Variants in SLC9A9 observed in about 807,000 individuals in gnomAD.
SLC9A9 encodes solute carrier family 9 member A9.
SLC9A9 carries 62 observed loss-of-function variants against 77.8 expected under a neutral mutation model. That is an observed-to-expected ratio of 0.80 (90% confidence interval 0.65 to 0.98). SLC9A9 has a LOEUF of 0.98. SLC9A9 is among the 50% of genes least tolerant of loss of function. The probability of loss-of-function intolerance (pLI) is 0.00; values close to 1 mark genes in which losing one functional copy is unlikely to be tolerated. For synonymous variants in SLC9A9, 320 were observed against 283.5 expected, an observed-to-expected ratio of 1.13 and a Z score of -1.29; for missense variants, 775 against 774.9, an observed-to-expected ratio of 1.00 and a Z score of 0.00.
intron 2 of SLC9A9, among the ~76,000 whole-genome samples, chr3:143,813,955 T>C (rs1234586250): frequency 6.6e-6 from 1 of 152,120 alleles, no homozygotes; most frequent in Non-Finnish European, 1.5e-5. Context: ...GAGCTCAAGG[T>C]AATGATAGTG....
chr3:143,573,891 GT>G (rs1260631281), intron 8 of SLC9A9, among the ~76,000 whole-genome samples, 196 bp downstream of exon 8: 1 of 152,158 alleles, frequency 6.6e-6, no homozygotes, highest in Admixed American at 6.5e-5. Flanking sequence ...CCATTAAGCT[GT>G]TTGGTACAAA....
At chr3:143,358,354 T>C (rs747540113) in intron 14 of SLC9A9, among the ~76,000 whole-genome samples, 7 of 152,246 alleles carry the variant, frequency 4.6e-5, no homozygotes, top group Non-Finnish European at 8.8e-5. Flanking sequence ...ATTCTGTTAC[T>C]GTGTCAACTT....
intron 12 of SLC9A9, among the ~76,000 whole-genome samples, chr3:143,384,240 A>C (rs548482989): frequency 7.2e-5 from 11 of 152,174 alleles, no homozygotes; most frequent in African/African-American, 2.6e-4. Flanking sequence ...CCTGCCTCCG[A>C]CAGTGGGACC....
intron 12 of SLC9A9, among the ~76,000 whole-genome samples, chr3:143,449,842 T>A (rs1486633954): frequency 2.9e-5 from 1 of 34,662 alleles, no homozygotes; most frequent in Non-Finnish European, 3.7e-5. Context: ...TTATATGTAT[T>A]ATATATATAT....
chr3:143,831,968 A>G, intron 2 of SLC9A9, 51 bp downstream of exon 2: 1 of 1,498,814 alleles, frequency 6.7e-7, no homozygotes, highest in Non-Finnish European at 9.2e-7. Context: ...CAAATATGAT[A>G]CAATTATTTA....
At chr3:143,708,976 C>T (rs1284331457) in intron 4 of SLC9A9, among the ~76,000 whole-genome samples, 1 of 152,112 alleles carries the variant, frequency 6.6e-6, no homozygotes, top group African/African-American at 2.4e-5. Context: ...GGAAGAAGAC[C>T]TTGAAGGTGA....
At chr3:143,548,278 C>T (rs2036821041) in intron 9 of SLC9A9, among the ~76,000 whole-genome samples, 1 of 152,018 alleles carries the variant, frequency 6.6e-6, no homozygotes. Context: ...AGATAGCAAG[C>T]TCCCAGGCCT....
rs374985771 is a variant in SLC9A9 at position 143,570,168 on chromosome 3, G to A, written c.1000+3920C>T. On this transcript the variant is annotated intron_variant, in intron 8 of 15. Coordinates refer to ENST00000316549, the MANE Select transcript of SLC9A9 (RefSeq NM_173653.4). ...GTGACAAAGATAAGCATCTCAACAC[G>A]AAAACAGTTAACAACAACAAAAAAG... 2.4e-4 allele frequency among the ~76,000 whole-genome samples: 36 copies of A among 152,008 alleles called. No homozygotes were observed. In the East Asian group the frequency reaches 5.0e-3, roughly 21 times the overall value.
At chr3:143,657,507 G>A (rs1310142305) in intron 5 of SLC9A9, among the ~76,000 whole-genome samples, 1 of 152,116 alleles carries the variant, frequency 6.6e-6, no homozygotes, top group African/African-American at 2.4e-5. Flanking sequence ...AACTATCCAG[G>A]AAGATCCTCA....
At chr3:143,611,583 C>T (rs2038022808) in intron 6 of SLC9A9, among the ~76,000 whole-genome samples, 1 of 152,088 alleles carries the variant, frequency 6.6e-6, no homozygotes, top group South Asian at 2.1e-4. Context: ...TTTCTGAAAA[C>T]AGCACTGAAA....
chr3:143,288,199 T>C (rs1938431607), intron 14 of SLC9A9, among the ~76,000 whole-genome samples: 1 of 152,118 alleles, frequency 6.6e-6, no homozygotes, highest in South Asian at 2.1e-4. Flanking sequence ...ATTATGATGA[T>C]TGTAATTTCA....
At chr3:143,353,160 C>T (rs1360378229) in intron 14 of SLC9A9, among the ~76,000 whole-genome samples, 1 of 152,200 alleles carries the variant, frequency 6.6e-6, no homozygotes, top group South Asian at 2.1e-4. Flanking sequence ...CAGATTCCTA[C>T]TCTTTTATCA....
chr3:143,470,764 A>C (rs796861485), intron 11 of SLC9A9, among the ~76,000 whole-genome samples: 1 of 152,208 alleles, frequency 6.6e-6, no homozygotes, highest in South Asian at 2.1e-4. Flanking sequence ...AAGGGCAAGG[A>C]GGTAAGCAAT....
intron 1 of SLC9A9, among the ~76,000 whole-genome samples, chr3:143,838,297 C>T (rs1260626606): frequency 6.6e-6 from 1 of 152,146 alleles, no homozygotes; most frequent in Non-Finnish European, 1.5e-5. Context: ...GAGAGGTATA[C>T]AGAAATCAAG....
At chr3:143,539,485 A>G (rs1375501697) in intron 9 of SLC9A9, among the ~76,000 whole-genome samples, 2 of 152,234 alleles carry the variant, frequency 1.3e-5, no homozygotes, top group African/African-American at 4.8e-5. Context: ...AGGCACACAT[A>G]TTCAGCCTTG....
At chr3:143,507,171 T>G (rs960361409) in intron 9 of SLC9A9, among the ~76,000 whole-genome samples, 1 of 151,818 alleles carries the variant, frequency 6.6e-6, no homozygotes, top group African/African-American at 2.4e-5. Context: ...TCCCGACACA[T>G]GTACAGCCTC....
At chr3:143,533,517 A>G (rs920848419) in intron 9 of SLC9A9, among the ~76,000 whole-genome samples, 1 of 152,240 alleles carries the variant, frequency 6.6e-6, no homozygotes, top group South Asian at 2.1e-4. Context: ...GAAAAATGCA[A>G]TAAGTGAGGC....
At chr3:143,477,959 T>C (rs1397450549) in intron 11 of SLC9A9, among the ~76,000 whole-genome samples, 1 of 152,216 alleles carries the variant, frequency 6.6e-6, no homozygotes, top group African/African-American at 2.4e-5. Flanking sequence ...TTCAGCCTCT[T>C]GCCCACTCCC....
chr3:143,592,315 C>T (rs2037661831), intron 6 of SLC9A9, among the ~76,000 whole-genome samples: 1 of 152,138 alleles, frequency 6.6e-6, no homozygotes, highest in African/African-American at 2.4e-5. Context: ...TCACTTAAGC[C>T]CAGATGTTCA....
Sources: allele counts gnomAD v4.1 joint callset (sites outside exome capture counted in the v4.1 genomes callset), GRCh38; gene constraint gnomAD v4.1.1; transcripts MANE v1.5; gene names NCBI Gene and HGNC (gene_info 2026-07-23, HGNC 2026-07-21).